ANKUB1: variants seen among roughly 807,000 people sequenced by gnomAD.
ANKUB1 encodes the protein protein ANKUB1.
In ANKUB1, 42 loss-of-function variants were observed where a neutral mutation model predicts 49.3. The ratio of observed to expected loss-of-function variants is 0.85; its 90% CI spans 0.67 to 1.10. The LOEUF is 1.10. Ranked by LOEUF, ANKUB1 falls within the 50% of genes least tolerant of loss-of-function variation. The pLI is 0.00. For missense variants in ANKUB1, 613 were observed against 642.0 expected (o/e 0.95, Z 0.49); for synonymous variants, 222 against 231.0 (o/e 0.96, Z 0.35).
At chr3:149,788,359 T>C (rs1718206362) in intron 2 of ANKUB1, among the ~76,000 whole-genome samples, 1 of 152,130 alleles carries the variant, frequency 6.6e-6, no homozygotes, top group Admixed American at 6.6e-5. Flanking sequence ...TCCTGTGACT[T>C]CTGCCCTGGC....
At chr3:149,786,977 C>T (rs1718126989) in intron 2 of ANKUB1, among the ~76,000 whole-genome samples, 1 of 152,084 alleles carries the variant, frequency 6.6e-6, no homozygotes, top group Non-Finnish European at 1.5e-5. Context: ...TTACTTTAGC[C>T]TTATAGTATA....
Position 149,792,338 on chromosome 3 carries a change from G to T in ANKUB1, c.29C>A (p.Ser10Tyr), listed in dbSNP as rs1391279910. The T allele has an allele frequency of 6.6e-7, 1 of 1,525,168 alleles. No homozygotes were observed. Among genetic ancestry groups the T allele is most frequent in the African/African-American group, 1.4e-5 (1 of 72,038 alleles). The allele number at this position is 1,525,168 out of a possible 1,614,324, so 94.5% of individuals were successfully genotyped here. A position where few individuals can be genotyped will look rare whatever the true frequency, so the allele number is the denominator to read the frequency against. The change falls in exon 1 of 6, where the codon TCT becomes TAT. Residue 10 changes from serine to tyrosine, a missense_variant. By Grantham distance (144) the Ser-to-Tyr change is moderately radical. Transcript: ENST00000446160. ...TGCTGAAACATCAAACGGTTCAAAA[G>T]ATCCTTCAAAGGCGATGAAAATCCT... MRIFIAFEG[S>Y]FEPFDVSADE...
intron 2 of ANKUB1, chr3:149,783,023 C>T (rs538783702): frequency 1.5e-4 from 23 of 152,108 alleles, no homozygotes; most frequent in Non-Finnish European, 2.9e-5. Context: ...CATCCCAGGC[C>T]TTTTTAATCA....
rs938357291 is a variant in ANKUB1 at position 149,787,268 on chromosome 3, C to T, written c.234+3513G>A. On this transcript the variant is annotated intron_variant, in intron 2 of 5. Coordinates refer to ENST00000446160, the MANE Select transcript of ANKUB1 (RefSeq NM_001144960.3). ...TTTCGTTGAGCAGTGGTTTGTAGTT[C>T]TCCTTGAAGAGGTCCTTCACATCCC... Among the ~76,000 whole-genome samples the T allele has an allele frequency of 6.0e-4, 92 of 152,240 alleles. 1 individual carries two copies. Among genetic ancestry groups the T allele is most frequent in the Non-Finnish European group, 2.8e-4 (19 of 68,018 alleles).
At chr3:149,766,497 GA>G in intron 5 of ANKUB1, 1 of 204,102 alleles carries the variant, frequency 4.9e-6, no homozygotes, top group Non-Finnish European at 1.0e-5. Flanking sequence ...GGAAGAGGAG[GA>G]AAAAGAAGAA....
chr3:149,790,762 A>G lies in ANKUB1; in HGVS notation c.234+19T>C, dbSNP rs752858001. 10 of 1,540,276 alleles carry G rather than the reference A, an allele frequency of 6.5e-6. No homozygotes were observed. The African/African-American group carries it at 1.1e-4, about 17-fold the overall frequency. On this transcript the variant is annotated intron_variant, in intron 2 of 5. Transcript: ENST00000446160. ...AATGAGATAGATATCTTAGACGAAT[A>G]TTATCCTGACCATCATACCTTAACA...
chr3:149,789,182 C>T (rs1187345525), intron 2 of ANKUB1, among the ~76,000 whole-genome samples: 4 of 152,138 alleles, frequency 2.6e-5, no homozygotes, highest in Non-Finnish European at 4.4e-5. Context: ...AAAATAAAAT[C>T]AGTCCTTAGT....
Position 149,767,265 on chromosome 3 carries a change from T to A in ANKUB1, c.1397A>T (p.Tyr466Phe). The change falls in exon 5 of 6, where the codon TAT (tyrosine) becomes TTT (phenylalanine). Residue 466 changes from tyrosine (Y) to phenylalanine (F), a missense_variant. Transcript: ENST00000446160. ...RVGYSHPSFF[Y>F]ATPSADFLLK... ...TAAAAAGTCAGCACTGGGTGTTGCATAGAAAAACGATGGATGTGAATATCC... is the reference window on the plus strand; with the variant it reads ...TAAAAAGTCAGCACTGGGTGTTGCAAAGAAAAACGATGGATGTGAATATCC... 6.4e-7 allele frequency: 1 copy of A among 1,551,682 alleles called. No homozygotes were observed. Among genetic ancestry groups the A allele is most frequent in the Non-Finnish European group, 8.7e-7 (1 of 1,146,980 alleles).
chr3:149,764,890 T>C (rs1716946210), intron 5 of ANKUB1, among the ~76,000 whole-genome samples: 1 of 151,968 alleles, frequency 6.6e-6, no homozygotes, highest in East Asian at 1.9e-4. Flanking sequence ...GGTAGTCTCT[T>C]TTAAAAAGTG....
intron 3 of ANKUB1, chr3:149,779,500 G>A (rs148847722): frequency 6.6e-6 from 1 of 152,248 alleles, no homozygotes; most frequent in African/African-American, 2.4e-5. Context: ...TTAGAGAGAG[G>A]TTGTAATTTC....
intron 2 of ANKUB1, among the ~76,000 whole-genome samples, chr3:149,782,104 T>C (rs1178696415): frequency 6.6e-6 from 1 of 152,130 alleles, no homozygotes; most frequent in African/African-American, 2.4e-5. Flanking sequence ...AGAGAAAAAT[T>C]ATATTTTATG....
chr3:149,776,901 C>T (rs1322532304), intron 3 of ANKUB1, among the ~76,000 whole-genome samples: 1 of 151,776 alleles, frequency 6.6e-6, no homozygotes. Context: ...CACTCAAATC[C>T]AGGAGGCAGC....
chr3:149,780,273 A>G lies in ANKUB1; in HGVS notation c.417T>C (p.Asp139=). The G allele has an allele frequency of 3.2e-6, 5 of 1,551,734 alleles. No homozygotes were observed. The highest frequency in any genetic ancestry group is 4.4e-6 in the Non-Finnish European group (5 of 1,146,996). Residue 139 remains aspartate (D), a synonymous_variant, in exon 3 of 6, where the codon GAT becomes GAC. Transcript: ENST00000446160. ...TCTGGTAGTCCTTGAGGGTGTTGCAATCATACATCTCCAGGCCCCTTGGGG... is the reference window on the plus strand; with the variant it reads ...TCTGGTAGTCCTTGAGGGTGTTGCAGTCATACATCTCCAGGCCCCTTGGGG... ...LRTPRGLEMY[D]CNTLKDYQTD...
rs572750483 is a variant in ANKUB1, at chr3:149,776,190, T to C, written c.451+4049A>G. 6.0e-4 allele frequency among the ~76,000 whole-genome samples: 91 copies of C among 152,324 alleles called. 1 individual carries two copies. Among genetic ancestry groups the C allele is most frequent in the African/African-American group, 2.2e-3 (91 of 41,576 alleles). Reference sequence around the variant, plus strand: ...AGCTTTTTTATCTCAGAATTGTCTTTGGACTTTTACCAGCATCTTGAAAAC... The same window carrying C: ...AGCTTTTTTATCTCAGAATTGTCTTCGGACTTTTACCAGCATCTTGAAAAC... On this transcript the variant is annotated intron_variant, in intron 3 of 5. Transcript: ENST00000446160.
chr3:149,769,657 G>T (rs1156768493), intron 4 of ANKUB1, among the ~76,000 whole-genome samples: 2 of 152,262 alleles, frequency 1.3e-5, no homozygotes, highest in East Asian at 3.9e-4. Flanking sequence ...ATATTATAAT[G>T]TACTGTTGAA....
rs1344108033 is a variant in ANKUB1 at position 149,761,477 on chromosome 3, T to C, written c.*7A>G. ...GTCTTTGTCCAAACTGAAGTTGTCATGACTTTTCAAAGCACAGTTTCTAGA... is the reference window on the plus strand; with the variant it reads ...GTCTTTGTCCAAACTGAAGTTGTCACGACTTTTCAAAGCACAGTTTCTAGA... On this transcript the variant is annotated 3_prime_UTR_variant, in exon 6 of 6. Coordinates refer to ENST00000446160, the MANE Select transcript of ANKUB1 (RefSeq NM_001144960.3). 40 of 1,551,140 alleles carry C rather than the reference T, an allele frequency of 2.6e-5. No individual in the cohort carries two copies. The highest frequency in any genetic ancestry group is 1.7e-4 in the Middle Eastern group (1 of 6,010).
chr3:149,775,460 T>C (rs1717550653), intron 3 of ANKUB1, among the ~76,000 whole-genome samples: 1 of 152,138 alleles, frequency 6.6e-6, no homozygotes, highest in Non-Finnish European at 1.5e-5. Flanking sequence ...TTCTCTGAAC[T>C]TCAGTTTTCT....
intron 1 of ANKUB1, 46 bp downstream of exon 1, chr3:149,792,231 G>A (rs1718390204): frequency 7.3e-7 from 1 of 1,371,158 alleles, no homozygotes; most frequent in South Asian, 1.5e-5. Flanking sequence ...GCACTGCATT[G>A]TTAAAATTAA....
Position 149,767,503 on chromosome 3 carries a change from T to G in ANKUB1, c.1159A>C (p.Ser387Arg). Reference protein sequence around the residue: ...LPSLSKQTASSKPVNPLAISQ... With the variant: ...LPSLSKQTASRKPVNPLAISQ... ...ATTGCCAAAGGATTGACAGGTTTGCTGCTTGCAGTTTGTTTGCTGAGAGAT... is the reference window on the plus strand; with the variant it reads ...ATTGCCAAAGGATTGACAGGTTTGCGGCTTGCAGTTTGTTTGCTGAGAGAT... Residue 387 changes from serine to arginine, a missense_variant, in exon 5 of 6, where the codon AGC becomes CGC. Coordinates refer to ENST00000446160, the MANE Select transcript of ANKUB1 (RefSeq NM_001144960.3). 1.3e-6 allele frequency: 2 copies of G among 1,551,732 alleles called. No individual in the cohort carries two copies. Among genetic ancestry groups the G allele is most frequent in the Non-Finnish European group, 1.7e-6 (2 of 1,147,006 alleles).
Sources: gnomAD v4.1 joint callset for allele counts (sites outside exome capture counted in the v4.1 genomes callset) on GRCh38, gnomAD v4.1.1 for gene constraint, MANE v1.5 for transcripts, NCBI Gene and HGNC (gene_info 2026-07-23, HGNC 2026-07-21) for gene names.